PDE1C: variants seen among roughly 807,000 people sequenced by gnomAD.
PDE1C encodes the protein dual specificity calcium/calmodulin-dependent 3',5'-cyclic nucleotide phosphodiesterase 1C.
Under a neutral mutation model 93.1 loss-of-function variants are expected in PDE1C, and 62 were observed. The ratio of observed to expected loss-of-function variants is 0.67; its 90% CI spans 0.54 to 0.82. The LOEUF (loss-of-function observed/expected upper bound fraction) is 0.82, where lower values mean the gene tolerates loss of function less well. Among genes scored for constraint, PDE1C ranks in the 40% least tolerant of loss-of-function variants. PDE1C has a pLI of 0.00. For synonymous variants in PDE1C, 325 were observed against 310.1 expected (o/e 1.05, Z -0.50); for missense variants, 742 against 884.6 (o/e 0.84, Z 2.04).
intron 2 of PDE1C, among the ~76,000 whole-genome samples, chr7:31,916,762 T>C (rs984268588): frequency 6.6e-6 from 1 of 152,192 alleles, no homozygotes; most frequent in South Asian, 2.1e-4. Context: ...TACTAGTTTA[T>C]ATTAAATTAT....
At chr7:32,073,637 T>C (rs1478165066), upstream of PDE1C, among the ~76,000 whole-genome samples, 1 of 152,202 alleles carries the variant, frequency 6.6e-6, no homozygotes, top group Non-Finnish European at 1.5e-5. Flanking sequence ...TCCTTGCTCC[T>C]AAACCACATT....
chr7:31,642,562 C>G, the PDE1C span: 1 of 882,440 alleles, frequency 1.1e-6, no homozygotes, highest in South Asian at 1.8e-5. Context: ...GATGCAAAAC[C>G]TGATGTTGCA....
intron 2 of PDE1C, among the ~76,000 whole-genome samples, chr7:31,951,037 C>G (rs1807298022): frequency 6.6e-6 from 1 of 152,126 alleles, no homozygotes; most frequent in African/African-American, 2.4e-5. Flanking sequence ...TTGTAGATGG[C>G]CACCTTCTCA....
chr7:31,920,351 C>T (rs1484218323), intron 2 of PDE1C, among the ~76,000 whole-genome samples: 2 of 152,182 alleles, frequency 1.3e-5, no homozygotes, highest in Non-Finnish European at 2.9e-5. Flanking sequence ...CTATTCTGGA[C>T]ATCCATTCTG....
At chr7:31,759,229 C>A (rs929073826) in intron 17 of PDE1C, among the ~76,000 whole-genome samples, 3 of 152,152 alleles carry the variant, frequency 2.0e-5, no homozygotes, top group African/African-American at 7.2e-5. Context: ...AACACCAGAG[C>A]CAGGCATGAG....
the PDE1C span, among the ~76,000 whole-genome samples, chr7:31,624,102 C>A: frequency 6.6e-6 from 1 of 150,914 alleles, no homozygotes; most frequent in Non-Finnish European, 1.5e-5. Context: ...CTACAAACCA[C>A]TGCTCAATGA....
At chr7:32,349,276 C>T (rs906700215) in intron 1 of PDE1C, among the ~76,000 whole-genome samples, 4 of 152,212 alleles carry the variant, frequency 2.6e-5, no homozygotes, top group Middle Eastern at 3.2e-3. Flanking sequence ...GCAGGGCACA[C>T]GGAGTTGAAT....
intron 17 of PDE1C, among the ~76,000 whole-genome samples, chr7:31,770,186 G>C (rs760536660): frequency 6.6e-6 from 1 of 152,072 alleles, no homozygotes; most frequent in Non-Finnish European, 1.5e-5. Flanking sequence ...TTTTTCATAT[G>C]TCATTTGTAT....
At chr7:32,161,808 G>C (rs1029110383) in intron 3 of PDE1C, among the ~76,000 whole-genome samples, 1 of 152,064 alleles carries the variant, frequency 6.6e-6, no homozygotes, top group Non-Finnish European at 1.5e-5. Context: ...GCTTCCTGAG[G>C]GTTATTCTAG....
chr7:32,263,396 AAATTT>A (rs1238513290), intron 1 of PDE1C, among the ~76,000 whole-genome samples: 2 of 151,998 alleles, frequency 1.3e-5, no homozygotes, highest in Admixed American at 6.6e-5. Context: ...TGTAGTGAAT[AAATTT>A]AATTTAATTT....
At chr7:32,079,158 A>G (rs1796518484) in intron 3 of PDE1C, among the ~76,000 whole-genome samples, 1 of 152,220 alleles carries the variant, frequency 6.6e-6, no homozygotes, top group African/African-American at 2.4e-5. Flanking sequence ...TAAATGCTGG[A>G]ACCTTTTAAA....
At chr7:32,147,316 G>GAA (rs1371981004) in intron 3 of PDE1C, among the ~76,000 whole-genome samples, 2 of 141,176 alleles carry the variant, frequency 1.4e-5, no homozygotes, top group East Asian at 4.0e-4. Flanking sequence ...AAGAAAGAAA[G>GAA]AAAGAAAGAA....
intron 17 of PDE1C, among the ~76,000 whole-genome samples, chr7:31,761,494 C>A (rs1196392131): frequency 1.3e-5 from 2 of 152,134 alleles, no homozygotes; most frequent in Non-Finnish European, 2.9e-5. Flanking sequence ...TCTTAAATAA[C>A]TGCTTTCATC....
intron 4 of PDE1C, 48 bp from the exon 5 acceptor site, chr7:31,878,084 G>T: frequency 7.4e-7 from 1 of 1,345,100 alleles, no homozygotes; most frequent in African/African-American, 1.4e-5. Flanking sequence ...TATAAAGTAG[G>T]ATTTGTAATC....
intron 1 of PDE1C, among the ~76,000 whole-genome samples, chr7:32,313,913 A>T (rs987473029): frequency 1.3e-5 from 2 of 152,036 alleles, no homozygotes; most frequent in Non-Finnish European, 2.9e-5. Context: ...ATAATAATAA[A>T]ATAAAATAAA....
the PDE1C span, among the ~76,000 whole-genome samples, chr7:31,673,618 A>G: frequency 6.6e-6 from 1 of 151,860 alleles, no homozygotes; most frequent in African/African-American, 2.4e-5. Context: ...ATATTCACCT[A>G]TATTTTCTTG....
At chr7:31,906,718 G>C (rs2128929665) in intron 2 of PDE1C, among the ~76,000 whole-genome samples, 1 of 152,302 alleles carries the variant, frequency 6.6e-6, no homozygotes. Flanking sequence ...GTGACCTTTA[G>C]AGTATAATGC....
chr7:31,650,703 A>G, the PDE1C span, among the ~76,000 whole-genome samples: 3 of 152,240 alleles, frequency 2.0e-5, no homozygotes, highest in Non-Finnish European at 4.4e-5. Flanking sequence ...TCTTTAATCA[A>G]ACACATACCA....
intron 1 of PDE1C, among the ~76,000 whole-genome samples, chr7:32,318,605 A>G (rs1329042954): frequency 3.3e-5 from 5 of 152,208 alleles, no homozygotes. Context: ...TGAAAACTGC[A>G]CAAGCCTTCT....
Sources: allele counts gnomAD v4.1 joint callset (sites outside exome capture counted in the v4.1 genomes callset), GRCh38; gene constraint gnomAD v4.1.1; transcripts MANE v1.5; gene names NCBI Gene and HGNC (gene_info 2026-07-23, HGNC 2026-07-21).